Variants in ERBB4 observed in about 807,000 individuals in gnomAD.
The protein encoded by ERBB4 is erb-b2 receptor tyrosine kinase 4, also known as receptor tyrosine-protein kinase erbB-4.
ERBB4 carries 42 observed loss-of-function variants against 158.0 expected under a neutral mutation model. The ratio of observed to expected loss-of-function variants is 0.27; its 90% CI spans 0.21 to 0.34. ERBB4 has a LOEUF of 0.34. ERBB4 is among the 10% of genes least tolerant of loss of function. The pLI is 1.00. For missense variants in ERBB4, 1,333 were observed against 1,624.1 expected (o/e 0.82, Z 3.08); for synonymous variants, 583 against 558.7 (o/e 1.04, Z -0.61).
chr2:212,026,206 A>C (rs1250801406), intron 2 of ERBB4, among the ~76,000 whole-genome samples: 1 of 151,762 alleles, frequency 6.6e-6, no homozygotes, highest in Non-Finnish European at 1.5e-5. Flanking sequence ...TATTCAATAA[A>C]TATTTATTGA....
In ERBB4 at chr2:211,908,344, G is replaced by A. The variant is rs189323199; in HGVS notation, c.421+39086C>T. Among the ~76,000 whole-genome samples, 43 of 151,830 alleles carry A rather than the reference G, an allele frequency of 2.8e-4. 2 individuals carry two copies. Among genetic ancestry groups the A allele is most frequent in the South Asian group, 8.3e-4 (4 of 4,808 alleles). On this transcript the variant is annotated intron_variant, in intron 3 of 27. Transcript: ENST00000342788. ...TGGACCACAACAGGGCACAGAACTG[G>A]TCCCTTTTTCTTCTCTGACAAAGGA... is the stretch of plus-strand genomic sequence containing the variant.
In ERBB4 at chr2:212,019,064, G is replaced by A. The variant is rs2076588714; in HGVS notation, c.235-71448C>T. Among the ~76,000 whole-genome samples, 3 of 152,050 alleles carry A rather than the reference G, an allele frequency of 2.0e-5. No homozygotes were observed. The South Asian group carries it at 6.2e-4, about 32-fold the overall frequency. On this transcript the variant is annotated intron_variant, in intron 2 of 27. Transcript: ENST00000342788. ...ACAGAAGCCAGAGTACAAGAAGCCT[G>A]GTTGATGTAGTTCATAGAGGTCATC... is the stretch of plus-strand genomic sequence containing the variant.
intron 2 of ERBB4, among the ~76,000 whole-genome samples, chr2:212,117,086 C>G (rs936065875): frequency 6.6e-6 from 1 of 152,158 alleles, no homozygotes; most frequent in Non-Finnish European, 1.5e-5. Flanking sequence ...GCCTTAGAAA[C>G]AGCTTTCAGA....
intron 1 of ERBB4, among the ~76,000 whole-genome samples, chr2:212,413,260 A>G (rs1012677129): frequency 1.3e-5 from 2 of 149,496 alleles, no homozygotes; most frequent in Non-Finnish European, 1.5e-5. Context: ...TGCTGGGATT[A>G]CAGGCACGAG....
At chr2:212,519,565 G>C (rs969805040) in intron 1 of ERBB4, among the ~76,000 whole-genome samples, 5 of 151,894 alleles carry the variant, frequency 3.3e-5, no homozygotes, top group African/African-American at 1.2e-4. Context: ...AGGAGGGATA[G>C]CATTAGGATA....
intron 1 of ERBB4, among the ~76,000 whole-genome samples, chr2:212,377,438 T>C (rs1173064559): frequency 6.6e-6 from 1 of 151,878 alleles, no homozygotes; most frequent in South Asian, 2.1e-4. Context: ...CTGTATGGTA[T>C]AGTCTATTGC....
At chr2:212,301,830 A>G (rs2086635011) in intron 1 of ERBB4, among the ~76,000 whole-genome samples, 1 of 151,428 alleles carries the variant, frequency 6.6e-6, no homozygotes, top group Admixed American at 6.6e-5. Context: ...GGGTAAACAT[A>G]GTTTTGAGCT....
intron 3 of ERBB4, among the ~76,000 whole-genome samples, chr2:211,883,456 T>C (rs1010246075): frequency 6.6e-6 from 1 of 151,894 alleles, no homozygotes; most frequent in Non-Finnish European, 1.5e-5. Flanking sequence ...TAAAAAATAA[T>C]AATAATAAAA....
intron 1 of ERBB4, among the ~76,000 whole-genome samples, chr2:212,483,804 T>C (rs1689835253): frequency 6.6e-6 from 1 of 152,174 alleles, no homozygotes; most frequent in South Asian, 2.1e-4. Flanking sequence ...TGGCGCGATC[T>C]CAGCTCACTG....
intron 2 of ERBB4, among the ~76,000 whole-genome samples, chr2:212,051,327 G>A (rs2077392294): frequency 6.6e-6 from 1 of 152,052 alleles, no homozygotes; most frequent in African/African-American, 2.4e-5. Context: ...AGTATTAAAT[G>A]TATAAGATAG....
intron 1 of ERBB4, among the ~76,000 whole-genome samples, chr2:212,440,876 A>G (rs541381937): frequency 6.6e-6 from 1 of 152,200 alleles, no homozygotes; most frequent in Non-Finnish European, 1.5e-5. Context: ...TTTAGTGGAC[A>G]AAGTGATGAA....
intron 1 of ERBB4, among the ~76,000 whole-genome samples, chr2:212,227,244 C>CAAA (rs57150566): frequency 2.9e-5 from 4 of 137,160 alleles, no homozygotes; most frequent in African/African-American, 8.5e-5. Context: ...GACTCCACCT[C>CAAA]AAAAAAAAAA....
At chr2:212,399,196 G>A (rs916972546) in intron 1 of ERBB4, among the ~76,000 whole-genome samples, 24 of 151,892 alleles carry the variant, frequency 1.6e-4, no homozygotes, top group African/African-American at 5.8e-4. Context: ...GCCCACCTTG[G>A]CCTCAGAAAG....
At chr2:212,524,877 G>C (rs1052511187) in intron 1 of ERBB4, among the ~76,000 whole-genome samples, 20 of 151,934 alleles carry the variant, frequency 1.3e-4, no homozygotes, top group Non-Finnish European at 1.9e-4. Flanking sequence ...ACAGTATTTA[G>C]TGACCGTAAT....
At chr2:211,888,790 A>ACG (rs1348911084) in intron 3 of ERBB4, among the ~76,000 whole-genome samples, 2 of 151,812 alleles carry the variant, frequency 1.3e-5, no homozygotes, top group African/African-American at 2.4e-5. Flanking sequence ...GGGGTGACGG[A>ACG]CGCACCTGGA....
chr2:211,837,874 G>A (rs781160805), intron 3 of ERBB4, among the ~76,000 whole-genome samples: 55 of 152,182 alleles, frequency 3.6e-4, no homozygotes, highest in Non-Finnish European at 6.0e-4. Flanking sequence ...AGTTATAGAG[G>A]TGAATCAGAA....
At chr2:211,738,552 A>C (rs2074685426) in intron 5 of ERBB4, among the ~76,000 whole-genome samples, 1 of 151,784 alleles carries the variant, frequency 6.6e-6, no homozygotes, top group Non-Finnish European at 1.5e-5. Context: ...TTGTATTTTT[A>C]GTAGAGACAG....
chr2:212,349,806 A>G (rs1030396663), intron 1 of ERBB4, among the ~76,000 whole-genome samples: 2 of 152,094 alleles, frequency 1.3e-5, no homozygotes, highest in African/African-American at 4.8e-5. Flanking sequence ...GGCCAAAACT[A>G]TATCTTATAG....
intron 1 of ERBB4, among the ~76,000 whole-genome samples, chr2:212,370,849 C>T (rs917893533): frequency 6.6e-6 from 1 of 152,034 alleles, no homozygotes; most frequent in Non-Finnish European, 1.5e-5. Context: ...TTATATTTAT[C>T]CCACTTCTCA....
Sources: allele counts gnomAD v4.1 joint callset (sites outside exome capture counted in the v4.1 genomes callset), GRCh38; gene constraint gnomAD v4.1.1; transcripts MANE v1.5; gene names NCBI Gene and HGNC (gene_info 2026-07-23, HGNC 2026-07-21).